Variants in ITGAL observed in about 807,000 individuals in gnomAD.
ITGAL encodes the protein integrin subunit alpha L.
A neutral mutation model predicts 138.4 loss-of-function variants in ITGAL; 68 were observed. The ratio of observed to expected loss-of-function variants is 0.49; its 90% CI spans 0.40 to 0.60. The LOEUF is 0.60. Among genes scored for constraint, ITGAL ranks in the 20% least tolerant of loss-of-function variants. The pLI, the probability that ITGAL is intolerant of heterozygous loss-of-function variation, is 0.00. For missense variants in ITGAL, 1,256 were observed against 1,478.6 expected, an observed-to-expected ratio of 0.85 and a Z score of 2.47; for synonymous variants, 561 against 584.3, an observed-to-expected ratio of 0.96 and a Z score of 0.57.
chr16:30,480,094 G>T (rs1309071060), intron 6 of ITGAL, among the ~76,000 whole-genome samples: 1 of 151,836 alleles, frequency 6.6e-6, no homozygotes, highest in African/African-American at 2.4e-5. Context: ...ACTGTGCGTG[G>T]CTAATTTTTA....
At position 30,521,831 on chromosome 16, in the gene ITGAL, G is replaced by T. The variant is rs762160888; in HGVS notation, c.*166G>T. 7 of 679,414 alleles carry T rather than the reference G, an allele frequency of 1.0e-5. No individual in the cohort carries two copies. Among genetic ancestry groups the T allele is most frequent in the African/African-American group, 1.8e-5 (1 of 55,230 alleles). 42.1% of individuals were successfully genotyped at this position (679,414 alleles called of 1,614,324 possible). A position where few individuals can be genotyped will look rare whatever the true frequency, so the allele number is the denominator to read the frequency against. On this transcript the variant is annotated 3_prime_UTR_variant, in exon 31 of 31. Transcript: ENST00000356798. ...GAACTCATTCCTGCCTGTCTCCTTT[G>T]CAGGCTCATAGGGAAGACCTGCTGA...
At chr16:30,497,092 C>A (rs1245176680) in intron 15 of ITGAL, among the ~76,000 whole-genome samples, 2 of 152,130 alleles carry the variant, frequency 1.3e-5, no homozygotes, top group Non-Finnish European at 2.9e-5. Flanking sequence ...CACCTCTAAT[C>A]CCAGCACTTC....
rs1468725313 is a variant in ITGAL at position 30,496,131 on chromosome 16, A to G, written c.1538A>G (p.Asp513Gly). ...GAAGAAGTCTCAGAGCTGCAGGGGG[A>G]CCCCGGCTACCCACTCGGGCGGTTT... Reference protein sequence around the residue: ...GFEEVSELQGDPGYPLGRFGE... With the variant: ...GFEEVSELQGGPGYPLGRFGE... Residue 513 changes from aspartate to glycine, a missense_variant, in exon 14 of 31, where the codon GAC (aspartate) becomes GGC (glycine). By Grantham distance (94) the Asp-to-Gly change is moderately conservative. This residue lies in a region of ITGAL where 867 missense variants were observed against 972.5 expected (regional missense o/e 0.89). Coordinates refer to ENST00000356798, the MANE Select transcript of ITGAL (RefSeq NM_002209.3). 2.5e-6 allele frequency: 4 copies of G among 1,613,336 alleles called. No individual in the cohort carries two copies. Among genetic ancestry groups the G allele is most frequent in the Non-Finnish European group, 3.4e-6 (4 of 1,179,924 alleles).
chr16:30,499,326 C>G lies in ITGAL; in HGVS notation c.1994-12C>G. 1 of 1,613,980 alleles carries G rather than the reference C, an allele frequency of 6.2e-7. No homozygotes were observed. Among genetic ancestry groups the G allele is most frequent in the Non-Finnish European group, 8.5e-7 (1 of 1,179,876 alleles). ...CCCACCATTTAACTCTTGCCTTTTC[C>G]GCCCTGCCCAGGCCGCCTGGTTGCC... On this transcript the variant is annotated splice_polypyrimidine_tract_variant and intron_variant, in intron 16 of 30. Transcript: ENST00000356798.
At chr16:30,518,537 C>A (rs2051205080) in intron 28 of ITGAL, 87 bp from the exon 29 acceptor site, 4 of 853,772 alleles carry the variant, frequency 4.7e-6, no homozygotes, top group Non-Finnish European at 8.1e-6. Context: ...CTTCTCTGCC[C>A]CTCCCCACTG....
rs2050774499 is a variant in ITGAL at position 30,494,641 on chromosome 16, G to A, written c.1366-72G>A. On this transcript the variant is annotated intron_variant, in intron 12 of 30. Transcript: ENST00000356798. The surrounding 1 kb of genome is among the most constrained non-coding windows in gnomAD (Gnocchi z 4.2). ...TGAGGGAGTGGCACAAGATGAACAC[G>A]GTACAGGTATCTCCCTGCCAACCCC... 1.3e-5 allele frequency: 19 copies of A among 1,500,766 alleles called. No individual in the cohort carries two copies. The South Asian group carries it at 1.4e-4, about 11-fold the overall frequency. The allele number at this position is 1,500,766 out of a possible 1,614,324, so 93.0% of individuals were successfully genotyped here.
intron 2 of ITGAL, 101 bp downstream of exon 2, chr16:30,474,399 C>G (rs570963398): frequency 1.3e-6 from 1 of 761,726 alleles, no homozygotes; most frequent in Non-Finnish European, 2.2e-6. Flanking sequence ...GTCGGTGGCA[C>G]GAGGCAGCTC....
chr16:30,513,678 C>T (rs141049483), intron 24 of ITGAL, 93 bp from the exon 25 acceptor site: 5 of 875,864 alleles, frequency 5.7e-6, no homozygotes, highest in Admixed American at 1.8e-5. Flanking sequence ...GTATCTGTGC[C>T]GTTCCTAGCA....
Position 30,474,230 on chromosome 16 carries a change from C to A in ITGAL, c.96C>A (p.Gly32=), listed in dbSNP as rs2050435227. ...PASSYNLDVR[G]ARSFSPPRAG... is the part of the protein sequence containing the mutation. ...CGAGCTACAACCTGGACGTGCGGGGCGCGCGGAGCTTCTCCCCACCGCGCG... is the reference window on the plus strand; with the variant it reads ...CGAGCTACAACCTGGACGTGCGGGGAGCGCGGAGCTTCTCCCCACCGCGCG... The change falls in exon 2 of 31, where the codon GGC becomes GGA. Residue 32 remains glycine (G), a synonymous_variant. Transcript: ENST00000356798. 1.2e-6 allele frequency: 2 copies of A among 1,608,296 alleles called. No individual in the cohort carries two copies. The highest frequency in any genetic ancestry group is 1.7e-4 in the Middle Eastern group (1 of 6,048).
At chr16:30,501,344 G>A (rs1040462607) in intron 17 of ITGAL, among the ~76,000 whole-genome samples, 1 of 151,936 alleles carries the variant, frequency 6.6e-6, no homozygotes, top group Non-Finnish European at 1.5e-5. Flanking sequence ...GGGATGCCGA[G>A]GTGGGCAGAT....
At chr16:30,477,162 G>A (rs2050483546) in intron 4 of ITGAL, 1 of 152,172 alleles carries the variant, frequency 6.6e-6, no homozygotes, top group African/African-American at 2.4e-5. Context: ...AAGACTGAGT[G>A]AAATATTCAT....
At chr16:30,516,228 A>G (rs2051163882) in intron 25 of ITGAL, among the ~76,000 whole-genome samples, 1 of 151,528 alleles carries the variant, frequency 6.6e-6, no homozygotes, top group Admixed American at 6.6e-5. Flanking sequence ...AAAGGTGCTC[A>G]GAAATTTTTT....
At chr16:30,478,993 GAGGACA>G (rs2050514348) in intron 4 of ITGAL, 92 bp from the exon 5 acceptor site, 7 of 864,360 alleles carry the variant, frequency 8.1e-6, no homozygotes, top group Non-Finnish European at 1.2e-5. Flanking sequence ...AAGTGAGAAA[GAGGACA>G]AGGACTCTGA....
chr16:30,501,768 G>A (rs368742673), intron 17 of ITGAL, among the ~76,000 whole-genome samples: 3 of 152,132 alleles, frequency 2.0e-5, no homozygotes, highest in East Asian at 1.9e-4. Context: ...GGCCAGGCAC[G>A]GTGGCTCATG....
At chr16:30,517,594 A>C in intron 26 of ITGAL, 55 bp from the exon 27 acceptor site, 1 of 1,457,528 alleles carries the variant, frequency 6.9e-7, no homozygotes, top group Non-Finnish European at 9.6e-7. Flanking sequence ...CTGGGATGCC[A>C]GTGTCTTATC....
intron 7 of ITGAL, 51 bp from the exon 8 acceptor site, chr16:30,483,776 C>T (rs1239997513): frequency 6.4e-7 from 1 of 1,562,516 alleles, no homozygotes; most frequent in Non-Finnish European, 8.7e-7. Flanking sequence ...GGAAAGAGAC[C>T]TCAGGCCCTA....
chr16:30,497,879 C>T (rs991952121), intron 15 of ITGAL, among the ~76,000 whole-genome samples: 1 of 149,086 alleles, frequency 6.7e-6, no homozygotes, highest in East Asian at 2.0e-4. Flanking sequence ...CCTGGGAGGT[C>T]GAGGTTGCAG....
At chr16:30,490,435 T>G (rs35873145) in intron 11 of ITGAL, among the ~76,000 whole-genome samples, 1,600 of 152,114 alleles carry the variant, frequency 0.011, 29 homozygotes, top group African/African-American at 0.036. Context: ...ATCCTAAACT[T>G]GCTTGAACTT....
chr16:30,489,641 G>A (rs565177892), intron 11 of ITGAL, among the ~76,000 whole-genome samples: 20 of 152,232 alleles, frequency 1.3e-4, no homozygotes, highest in African/African-American at 4.6e-4. Flanking sequence ...ACTTGCCTGT[G>A]AATATGCCTT....
Sources: allele counts gnomAD v4.1 joint callset (sites outside exome capture counted in the v4.1 genomes callset), GRCh38; gene constraint gnomAD v4.1.1; regional missense constraint gnomAD v4.1.1; non-coding constraint Gnocchi (gnomAD v3.1); transcripts MANE v1.5; gene names NCBI Gene and HGNC (gene_info 2026-07-23, HGNC 2026-07-21).